PER2: variants seen among roughly 807,000 people sequenced by gnomAD.
PER2 encodes the protein period circadian protein homolog 2.
A neutral mutation model predicts 121.0 loss-of-function variants in PER2; 66 were observed. That is an observed-to-expected ratio of 0.55 (90% CI 0.45 to 0.67). The LOEUF is 0.67. Among genes scored for constraint, PER2 ranks in the 30% least tolerant of loss-of-function variants. The pLI is 0.00. For missense variants in PER2, 1,521 were observed against 1,635.0 expected (o/e 0.93, Z 1.20); for synonymous variants, 684 against 659.9 (o/e 1.04, Z -0.56).
intron 9 of PER2, among the ~76,000 whole-genome samples, chr2:238,264,262 C>T (rs896499609): frequency 2.0e-5 from 3 of 152,232 alleles, no homozygotes; most frequent in African/African-American, 4.8e-5. Flanking sequence ...TTTACATATA[C>T]GGCCCCAGGC....
upstream of PER2, among the ~76,000 whole-genome samples, chr2:238,294,759 G>A (rs947648059): frequency 6.6e-6 from 1 of 152,194 alleles, no homozygotes. Context: ...TGAAGCCTGA[G>A]AACCAGCTGG....
chr2:238,262,811 A>C, intron 10 of PER2, 141 bp downstream of exon 10: 1 of 693,438 alleles, frequency 1.4e-6, no homozygotes, highest in Non-Finnish European at 2.6e-6. Context: ...GCCAGGAGGG[A>C]GGCGGCGAGG....
chr2:238,283,283 G>A (rs1360277957), intron 1 of PER2, among the ~76,000 whole-genome samples: 1 of 152,258 alleles, frequency 6.6e-6, no homozygotes, highest in African/African-American at 2.4e-5. Flanking sequence ...CCAGCTGGAT[G>A]TCTCTGTAAG....
chr2:238,246,631 C>T (rs189565092), intron 22 of PER2, 107 bp from the exon 23 acceptor site: 2 of 712,322 alleles, frequency 2.8e-6, no homozygotes, highest in African/African-American at 1.8e-5. Context: ...AATCCCAGCA[C>T]TTTGGGAGGC....
At position 238,245,176 on chromosome 2, in the gene PER2, T is replaced by G. The variant is rs1375088422; in HGVS notation, c.*1199A>C. The G allele has an allele frequency of 5.7e-6, 1 of 174,670 alleles. No homozygotes were observed. Among genetic ancestry groups the G allele is most frequent in the Non-Finnish European group, 1.2e-5 (1 of 83,434 alleles). 10.8% of individuals were successfully genotyped at this position (174,670 alleles called of 1,614,324 possible). ...CACCAGGGACCAATATTAAATTTTC[T>G]GAACCATCTTTGGAATATACAATGC... On this transcript the variant is annotated 3_prime_UTR_variant, in exon 23 of 23. Coordinates refer to ENST00000254657, the MANE Select transcript of PER2 (RefSeq NM_022817.3).
intron 3 of PER2, 42 bp downstream of exon 3, chr2:238,277,089 T>C: frequency 2.1e-6 from 3 of 1,419,550 alleles, no homozygotes; most frequent in Admixed American, 1.7e-5. Flanking sequence ...AGTCTTTCAA[T>C]TTCTCTAAAA....
chr2:238,271,555 T>C (rs1413035479), intron 5 of PER2, 42 bp from the exon 6 acceptor site: 3 of 1,486,366 alleles, frequency 2.0e-6, no homozygotes, highest in South Asian at 1.1e-5. Context: ...GGTCAGATGG[T>C]GTCGGACGCC....
rs368258433 is a variant in PER2, at chr2:238,250,627, C to T, written c.3391G>A (p.Val1131Ile). Residue 1131 changes from valine (V) to isoleucine (I), a missense_variant, in exon 21 of 23, where the codon GTC becomes ATC. By Grantham distance (29) the Val-to-Ile change is conservative. Transcript: ENST00000254657. Reference sequence around the variant, plus strand: ...AGCAGCCAGATGGGATCCTGCAGGACGCACTTAATGAAATGCTCACTTTCT... The same window carrying T: ...AGCAGCCAGATGGGATCCTGCAGGATGCACTTAATGAAATGCTCACTTTCT... Reference protein sequence around the residue: ...MEESEHFIKCVLQDPIWLLMA... With the variant: ...MEESEHFIKCILQDPIWLLMA... The T allele has an allele frequency of 1.1e-5, 17 of 1,613,670 alleles. No individual in the cohort carries two copies. Among genetic ancestry groups the T allele is most frequent in the East Asian group, 8.9e-5 (4 of 44,892 alleles).
chr2:238,258,626 G>C lies in PER2; in HGVS notation c.1646C>G (p.Pro549Arg). 6.2e-7 allele frequency: 1 copy of C among 1,613,996 alleles called. No individual in the cohort carries two copies. The highest frequency in any genetic ancestry group is 8.5e-7 in the Non-Finnish European group (1 of 1,179,940). Reference protein sequence around the residue: ...KSVTEMQTNPPAEKKAVPAME... With the variant: ...KSVTEMQTNPRAEKKAVPAME... ...GGCAGGGACAGCTTTCTTCTCAGCTGGGGGATTAGTTTGCATTTCTGAAGG... is the reference window on the plus strand; with the variant it reads ...GGCAGGGACAGCTTTCTTCTCAGCTCGGGGATTAGTTTGCATTTCTGAAGG... The change falls in exon 15 of 23, where the codon CCA (proline) becomes CGA (arginine). Residue 549 changes from proline to arginine, a missense_variant. Pro to Arg is a moderately radical substitution (Grantham distance 103, BLOSUM62 -2). Coordinates refer to ENST00000254657, the MANE Select transcript of PER2 (RefSeq NM_022817.3).
At position 238,245,551 on chromosome 2, in the gene PER2, G is replaced by A; in HGVS notation, c.*824C>T. The A allele has an allele frequency of 2.5e-6, 1 of 398,624 alleles. No individual in the cohort carries two copies. Among genetic ancestry groups the A allele is most frequent in the Non-Finnish European group, 4.4e-6 (1 of 226,062 alleles). The allele number at this position is 398,624 out of a possible 1,614,324, so 24.7% of individuals were successfully genotyped here. A position where few individuals can be genotyped will look rare whatever the true frequency, so the allele number is the denominator to read the frequency against. On this transcript the variant is annotated 3_prime_UTR_variant, in exon 23 of 23. Transcript: ENST00000254657. The stretch of plus-strand genomic sequence containing the variant: ...TCTCACATGTGTTGGTCACAGCCTG[G>A]TTTGCAAAGGGAAGTCACCATAAAG...
chr2:238,248,877 G>A (rs1574837675), intron 22 of PER2, 185 bp downstream of exon 22: 8 of 686,622 alleles, frequency 1.2e-5, no homozygotes, highest in Admixed American at 3.7e-5. Context: ...GGATGGTCTC[G>A]ATCTCCTGAC....
chr2:238,289,157 C>T (rs528777792), upstream of PER2: 2 of 152,302 alleles, frequency 1.3e-5, no homozygotes, highest in African/African-American at 4.8e-5. Flanking sequence ...TCCGGCCGGC[C>T]TGGCAGACCC....
In PER2 at chr2:238,268,989, C is replaced by T; in HGVS notation, c.773-15G>A. On this transcript the variant is annotated splice_polypyrimidine_tract_variant and intron_variant, in intron 6 of 22. Coordinates refer to ENST00000254657, the MANE Select transcript of PER2 (RefSeq NM_022817.3). The surrounding 1 kb of genome is among the most constrained non-coding windows in gnomAD (Gnocchi z 4.0). ...AGTAAAAGAATCTAAAAGAGAGAGC[C>T]CAAAGTCATTCATCCAAACCAACAA... 6.3e-7 allele frequency: 1 copy of T among 1,599,298 alleles called. No individual in the cohort carries two copies. The highest frequency in any genetic ancestry group is 8.6e-7 in the Non-Finnish European group (1 of 1,166,480).
In PER2 at chr2:238,253,432, G is replaced by A; in HGVS notation, c.2591C>T (p.Thr864Ile). ...YSLPVFPAPG[T>I]VAAPPAPPHA... ...GGGAGGTGCCGGGGGTGCTGCCACA[G>A]TCCCTGGCGCTGGAAACACGGGCAG... Residue 864 changes from threonine to isoleucine, a missense_variant, in exon 19 of 23, where the codon ACT (threonine) becomes ATT (isoleucine). Coordinates refer to ENST00000254657, the MANE Select transcript of PER2 (RefSeq NM_022817.3). The surrounding 1 kb of genome is among the most constrained non-coding windows in gnomAD (Gnocchi z 5.6). The A allele has an allele frequency of 6.2e-7, 1 of 1,612,102 alleles. No homozygotes were observed. Among genetic ancestry groups the A allele is most frequent in the South Asian group, 1.1e-5 (1 of 91,002 alleles).
upstream of PER2, among the ~76,000 whole-genome samples, chr2:238,290,945 C>T (rs772869469): frequency 3.5e-4 from 53 of 152,206 alleles, no homozygotes; most frequent in Non-Finnish European, 7.3e-4. Context: ...TGCATGGATG[C>T]CATTCTTGCT....
Position 238,253,834 on chromosome 2 carries a change from T to G in PER2, c.2321-132A>C. ...TGGTCCACCGAGCGGTTTTCCCTGA[T>G]CCTCAGTGAAGTGAGAAAAATCAGG... On this transcript the variant is annotated intron_variant, in intron 18 of 22. Transcript: ENST00000254657. This position sits in a 1 kb window ranked among gnomAD's most constrained non-coding sequence, Gnocchi z 5.6. 1 of 710,414 alleles carries G rather than the reference T, an allele frequency of 1.4e-6. No homozygotes were observed. Among genetic ancestry groups the G allele is most frequent in the Non-Finnish European group, 2.5e-6 (1 of 406,174 alleles). 44.0% of individuals were successfully genotyped at this position (710,414 alleles called of 1,614,324 possible).
intron 1 of PER2, among the ~76,000 whole-genome samples, chr2:238,283,642 G>A (rs914808203): frequency 2.0e-5 from 3 of 152,240 alleles, no homozygotes; most frequent in African/African-American, 7.2e-5. Context: ...TCAGAACTCC[G>A]ATAGGGAACT....
Position 238,249,119 on chromosome 2 carries a change from C to T in PER2, c.3561G>A (p.Leu1187=), listed in dbSNP as rs768280236. 14 of 1,614,222 alleles carry T rather than the reference C, an allele frequency of 8.7e-6. No homozygotes were observed. The East Asian group carries it at 1.3e-4, about 15-fold the overall frequency. The change falls in exon 22 of 23, where the codon CTG becomes CTA. Residue 1187 remains leucine (L), a synonymous_variant. Transcript: ENST00000254657. The part of the protein sequence containing the change: ...PRFTESQKQE[L]REVHQWMQTG... ...TCTGCATCCACTGGTGGACCTCGCG[C>T]AGCTCCTGCTTCTGACTCTCCGTGA...
intron 16 of PER2, 125 bp downstream of exon 16, chr2:238,258,151 C>G (rs1695818147): frequency 1.8e-6 from 2 of 1,092,070 alleles, no homozygotes; most frequent in Non-Finnish European, 2.8e-6. Context: ...TTTTGAACTA[C>G]TTTCATCATT....
Sources: gnomAD v4.1 joint callset for allele counts (sites outside exome capture counted in the v4.1 genomes callset) on GRCh38, gnomAD v4.1.1 for gene constraint, Gnocchi (gnomAD v3.1) non-coding constraint, MANE v1.5 for transcripts, NCBI Gene and HGNC (gene_info 2026-07-23, HGNC 2026-07-21) for gene names.